The following RBFOX1 variants were observed in gnomAD, a reference collection of about 807,000 sequenced individuals.
RBFOX1 encodes RNA binding fox-1 homolog 1, also known as RNA binding protein fox-1 homolog 1.
In RBFOX1, 8 loss-of-function variants were observed where a neutral mutation model predicts 57.7. That is an observed-to-expected ratio of 0.14 (90% CI 0.08 to 0.25). RBFOX1 has a LOEUF of 0.25. RBFOX1 is among the 10% of genes least tolerant of loss of function. RBFOX1 has a pLI of 1.00. For missense variants in RBFOX1, 611 were observed against 548.5 expected, an observed-to-expected ratio of 1.11 and a Z score of -1.14; for synonymous variants, 326 against 222.4, an observed-to-expected ratio of 1.47 and a Z score of -4.15.
At chr16:5,988,346 C>T (rs1399384354) in intron 4 of RBFOX1, among the ~76,000 whole-genome samples, 1 of 152,206 alleles carries the variant, frequency 6.6e-6, no homozygotes, top group African/African-American at 2.4e-5. Context: ...GAGTTGGACA[C>T]AGCCATTATC....
intron 4 of RBFOX1, among the ~76,000 whole-genome samples, chr16:7,384,372 A>C (rs554459778): frequency 6.6e-6 from 1 of 152,312 alleles, no homozygotes; most frequent in East Asian, 1.9e-4. Flanking sequence ...CAGGTGCAAC[A>C]GGCACCTTTA....
chr16:7,388,702 T>A (rs1485025484), intron 4 of RBFOX1, among the ~76,000 whole-genome samples: 1 of 151,180 alleles, frequency 6.6e-6, no homozygotes, highest in Non-Finnish European at 1.5e-5. Flanking sequence ...CTTTCTGTTT[T>A]TTCACATTTG....
At chr16:7,554,990 T>C (rs1411171015) in intron 5 of RBFOX1, among the ~76,000 whole-genome samples, 1 of 152,298 alleles carries the variant, frequency 6.6e-6, no homozygotes, top group South Asian at 2.1e-4. Flanking sequence ...TTATTTAGCA[T>C]TTAGGTAGTA....
At chr16:7,026,305 T>G (rs980282238) in intron 3 of RBFOX1, among the ~76,000 whole-genome samples, 14 of 152,210 alleles carry the variant, frequency 9.2e-5, no homozygotes, top group African/African-American at 3.1e-4. Context: ...AGGCCATGTT[T>G]AATGTCTTTT....
In RBFOX1 at chr16:7,585,695, A is replaced by G. The variant is rs544270348; in HGVS notation, c.415-1552A>G. Among the ~76,000 whole-genome samples the G allele has an allele frequency of 5.3e-5, 8 of 152,308 alleles. No homozygotes were observed. In the South Asian group the frequency reaches 1.0e-3, roughly 20 times the overall value. ...ATTGGGCTGTCTGTATTCAAGTGGC[A>G]TATACATTTGTTTCTACTGTTTCTG... On this transcript the variant is annotated intron_variant, in intron 6 of 15. Transcript: ENST00000550418.
At chr16:7,027,772 A>T (rs531657926) in intron 3 of RBFOX1, among the ~76,000 whole-genome samples, 30 of 151,342 alleles carry the variant, frequency 2.0e-4, no homozygotes, top group African/African-American at 7.3e-4. Context: ...TACAGCTTGC[A>T]TTTTTTTTTA....
chr16:6,949,500 C>T (rs1315735302), intron 3 of RBFOX1, among the ~76,000 whole-genome samples: 1 of 152,170 alleles, frequency 6.6e-6, no homozygotes, highest in Non-Finnish European at 1.5e-5. Flanking sequence ...AAAGCCAGAG[C>T]ATTGGCAGGG....
At chr16:6,959,583 G>A (rs1018561326) in intron 3 of RBFOX1, among the ~76,000 whole-genome samples, 9 of 152,044 alleles carry the variant, frequency 5.9e-5, no homozygotes, top group Admixed American at 2.6e-4. Context: ...CTCCCTCAAG[G>A]CTGAACAGGC....
At position 6,040,517 on chromosome 16, in the gene RBFOX1, C is replaced by T. The variant is rs552627855; in HGVS notation, c.-127+20525C>T. On this transcript the variant is annotated intron_variant, in intron 1 of 15. Coordinates refer to ENST00000550418, the MANE Select transcript of RBFOX1 (RefSeq NM_018723.4). ...GCATCTTGTCCTCAGGGTTTATCTG[C>T]GTGGAAGCAAGTGTGAGGGTGTGAA... Among the ~76,000 whole-genome samples, 230 of 152,242 alleles carry T rather than the reference C, an allele frequency of 1.5e-3. 1 individual carries two copies. The highest frequency in any genetic ancestry group is 5.1e-3 in the African/African-American group (213 of 41,538).
At chr16:7,112,342 A>T (rs1158131810) in intron 4 of RBFOX1, among the ~76,000 whole-genome samples, 2 of 150,922 alleles carry the variant, frequency 1.3e-5, no homozygotes, top group African/African-American at 2.4e-5. Context: ...ATCTGGGACT[A>T]CAGGCACATG....
chr16:6,659,622 T>G (rs763602291), intron 3 of RBFOX1, among the ~76,000 whole-genome samples: 6 of 152,248 alleles, frequency 3.9e-5, no homozygotes, highest in Non-Finnish European at 7.4e-5. Context: ...AGCTCAGAGA[T>G]TCTTACTCCA....
At chr16:6,526,237 C>G (rs527468147) in intron 2 of RBFOX1, among the ~76,000 whole-genome samples, 1 of 152,312 alleles carries the variant, frequency 6.6e-6, no homozygotes, top group East Asian at 1.9e-4. Context: ...CCCAATGTTT[C>G]TGCCACCATT....
At chr16:6,299,002 T>G (rs114814270) in intron 1 of RBFOX1, among the ~76,000 whole-genome samples, 4 of 152,194 alleles carry the variant, frequency 2.6e-5, no homozygotes. Flanking sequence ...TCTTGACCCC[T>G]TTCCTCGTGC....
chr16:6,061,379 T>C (rs2095684322), intron 1 of RBFOX1, among the ~76,000 whole-genome samples: 1 of 152,156 alleles, frequency 6.6e-6, no homozygotes. Flanking sequence ...AAAGAATAAA[T>C]ATCTGAAAAT....
At chr16:6,076,744 C>T (rs1452925752) in intron 1 of RBFOX1, among the ~76,000 whole-genome samples, 1 of 152,180 alleles carries the variant, frequency 6.6e-6, no homozygotes, top group Non-Finnish European at 1.5e-5. Context: ...GACAAGCTCG[C>T]TGTCAAACTT....
intron 1 of RBFOX1, among the ~76,000 whole-genome samples, chr16:5,264,410 C>T (rs1377032116): frequency 6.6e-6 from 1 of 151,970 alleles, no homozygotes; most frequent in East Asian, 1.9e-4. Flanking sequence ...GAGCAGTGGT[C>T]CCCAAATGGT....
intron 3 of RBFOX1, among the ~76,000 whole-genome samples, chr16:6,710,305 G>T (rs2063496603): frequency 6.6e-6 from 1 of 152,276 alleles, no homozygotes; most frequent in East Asian, 1.9e-4. Context: ...TGTACTTTTA[G>T]TTTTTTAATG....
At chr16:7,586,369 T>G (rs1827980) in intron 6 of RBFOX1, among the ~76,000 whole-genome samples, 3 of 152,116 alleles carry the variant, frequency 2.0e-5, no homozygotes, top group African/African-American at 7.2e-5. Context: ...AGCCCATACT[T>G]CCTGTTTTGA....
At chr16:6,673,659 G>A (rs1019986822) in intron 3 of RBFOX1, among the ~76,000 whole-genome samples, 2 of 152,172 alleles carry the variant, frequency 1.3e-5, no homozygotes, top group African/African-American at 2.4e-5. Flanking sequence ...GGGCTGACTT[G>A]CCGGGGTGGA....
Sources: allele counts gnomAD v4.1 joint callset (sites outside exome capture counted in the v4.1 genomes callset), GRCh38; gene constraint gnomAD v4.1.1; transcripts MANE v1.5; gene names NCBI Gene and HGNC (gene_info 2026-07-23, HGNC 2026-07-21).